Variants in CCSER1 observed in about 807,000 individuals in gnomAD.
CCSER1 encodes serine-rich coiled-coil domain-containing protein 1.
CCSER1 carries 41 observed loss-of-function variants against 82.0 expected under a neutral mutation model. The ratio of observed to expected loss-of-function variants is 0.50; its 90% CI spans 0.39 to 0.65. CCSER1 has a LOEUF of 0.65. Ranked by LOEUF, CCSER1 falls within the 30% of genes least tolerant of loss-of-function variation. The pLI is 0.00. For synonymous variants in CCSER1, 414 were observed against 383.9 expected, an observed-to-expected ratio of 1.08 and a Z score of -0.92; for missense variants, 1,119 against 1,064.2, an observed-to-expected ratio of 1.05 and a Z score of -0.72.
At position 90,969,263 on chromosome 4, in the gene CCSER1, A is replaced by G. The variant is rs537428941; in HGVS notation, c.2172+45816A>G. Among the ~76,000 whole-genome samples the G allele has an allele frequency of 1.1e-4, 16 of 152,168 alleles. No individual in the cohort carries two copies. The East Asian group carries it at 2.9e-3, about 27-fold the overall frequency. On this transcript the variant is annotated intron_variant, in intron 9 of 10. Coordinates refer to ENST00000509176, the MANE Select transcript of CCSER1 (RefSeq NM_001145065.2). ...AGATATAATAACTGAAAATGTGCCA[A>G]ATCTTGAGAGGGATATGAACATCCA...
chr4:90,472,307 C>A lies in CCSER1; in HGVS notation c.1724+3953C>A, dbSNP rs1236469874. 3.3e-5 allele frequency among the ~76,000 whole-genome samples: 5 copies of A among 151,984 alleles called. No individual in the cohort carries two copies. The East Asian group carries it at 9.6e-4, about 29-fold the overall frequency. On this transcript the variant is annotated intron_variant, in intron 5 of 10. Coordinates refer to ENST00000509176, the MANE Select transcript of CCSER1 (RefSeq NM_001145065.2). Reference sequence around the variant, plus strand: ...TTACATCACTTTAGAAGGTAAGAAACATTTTATGACTGAGATATTTGTATT... The same window carrying A: ...TTACATCACTTTAGAAGGTAAGAAAAATTTTATGACTGAGATATTTGTATT...
intron 1 of CCSER1, among the ~76,000 whole-genome samples, chr4:90,169,442 T>G (rs1731213556): frequency 6.6e-6 from 1 of 152,148 alleles, no homozygotes; most frequent in African/African-American, 2.4e-5. Flanking sequence ...TTTGACTTCC[T>G]CTTTTCCTAA....
At chr4:90,177,242 G>GA (rs1275954937) in intron 1 of CCSER1, among the ~76,000 whole-genome samples, 2 of 152,000 alleles carry the variant, frequency 1.3e-5, no homozygotes. Context: ...GGCAAGACAG[G>GA]AAAAAATAGT....
At chr4:91,164,838 T>G (rs1017111230) in intron 10 of CCSER1, among the ~76,000 whole-genome samples, 2 of 152,202 alleles carry the variant, frequency 1.3e-5, no homozygotes, top group Non-Finnish European at 2.9e-5. Flanking sequence ...CGTCTAATTA[T>G]TTTCAATGTT....
Position 91,037,805 on chromosome 4 carries a change from C to G in CCSER1, c.2173-48145C>G, listed in dbSNP as rs549318744. Among the ~76,000 whole-genome samples the G allele has an allele frequency of 4.8e-5, 7 of 146,690 alleles. 1 individual carries two copies. The South Asian group carries it at 1.5e-3, about 31-fold the overall frequency. Reference sequence around the variant, plus strand: ...TAATTATAATTTATTTAATAAATAACTACAGAATATCTATATTTAGTAGGA... The same window carrying G: ...TAATTATAATTTATTTAATAAATAAGTACAGAATATCTATATTTAGTAGGA... On this transcript the variant is annotated intron_variant, in intron 9 of 10. Coordinates refer to ENST00000509176, the MANE Select transcript of CCSER1 (RefSeq NM_001145065.2).
chr4:90,207,932 C>T (rs531485985), intron 1 of CCSER1, among the ~76,000 whole-genome samples: 7 of 152,258 alleles, frequency 4.6e-5, no homozygotes, highest in African/African-American at 7.2e-5. Context: ...AGGTGTGTGT[C>T]GACCCCTGCT....
intron 10 of CCSER1, among the ~76,000 whole-genome samples, chr4:91,503,739 T>C (rs1046249643): frequency 1.3e-5 from 2 of 152,214 alleles, no homozygotes; most frequent in Admixed American, 6.5e-5. Context: ...TAATAAAGTT[T>C]ACAATTTAGA....
intron 5 of CCSER1, among the ~76,000 whole-genome samples, chr4:90,480,394 T>A (rs1190583148): frequency 2.0e-5 from 3 of 152,214 alleles, no homozygotes; most frequent in African/African-American, 7.2e-5. Context: ...AGATCCCATT[T>A]GTCACTTTTG....
At chr4:91,007,099 T>C (rs949344753) in intron 9 of CCSER1, among the ~76,000 whole-genome samples, 1 of 152,196 alleles carries the variant, frequency 6.6e-6, no homozygotes, top group African/African-American at 2.4e-5. Flanking sequence ...TGTAGAACCA[T>C]TATTGTATCC....
At chr4:90,859,651 G>A (rs1764847010) in intron 8 of CCSER1, among the ~76,000 whole-genome samples, 1 of 151,632 alleles carries the variant, frequency 6.6e-6, no homozygotes, top group African/African-American at 2.4e-5. Flanking sequence ...TCAGATCATT[G>A]TTTTTCTTTA....
At chr4:90,376,123 T>C (rs13101432) in intron 3 of CCSER1, among the ~76,000 whole-genome samples, 1 of 152,206 alleles carries the variant, frequency 6.6e-6, no homozygotes, top group Non-Finnish European at 1.5e-5. Flanking sequence ...TTCAAGTGTT[T>C]AAGGAAAACA....
chr4:90,691,198 T>G (rs1464956466), intron 6 of CCSER1, among the ~76,000 whole-genome samples: 1 of 152,014 alleles, frequency 6.6e-6, no homozygotes, highest in African/African-American at 2.4e-5. Context: ...TCTTTTAATT[T>G]TACTATTAAA....
At chr4:90,428,312 A>G (rs1489923264) in intron 4 of CCSER1, among the ~76,000 whole-genome samples, 1 of 151,868 alleles carries the variant, frequency 6.6e-6, no homozygotes, top group Non-Finnish European at 1.5e-5. Flanking sequence ...TTAATAAGTA[A>G]CAGAATTCTG....
intron 9 of CCSER1, among the ~76,000 whole-genome samples, chr4:91,019,094 TATA>T (rs1274059030): frequency 1.3e-5 from 2 of 152,104 alleles, no homozygotes; most frequent in African/African-American, 4.8e-5. Context: ...TGAATTCAAA[TATA>T]ATAAGATAAT....
intron 8 of CCSER1, among the ~76,000 whole-genome samples, chr4:90,823,959 T>C (rs1172922435): frequency 6.6e-6 from 1 of 152,038 alleles, no homozygotes; most frequent in Non-Finnish European, 1.5e-5. Context: ...ATTTCTTTTC[T>C]GGCCATTATT....
chr4:90,776,243 C>A (rs1256970934), intron 7 of CCSER1, among the ~76,000 whole-genome samples: 2 of 152,066 alleles, frequency 1.3e-5, no homozygotes, highest in East Asian at 1.9e-4. Flanking sequence ...AATACACTGG[C>A]AAATCTTACT....
intron 4 of CCSER1, among the ~76,000 whole-genome samples, chr4:90,449,715 T>C (rs1358809019): frequency 1.3e-5 from 2 of 152,230 alleles, no homozygotes; most frequent in African/African-American, 4.8e-5. Context: ...GCAACAACTT[T>C]GCTCCGAAAT....
intron 8 of CCSER1, among the ~76,000 whole-genome samples, chr4:90,850,081 A>C (rs1367768373): frequency 6.6e-6 from 1 of 152,034 alleles, no homozygotes; most frequent in Non-Finnish European, 1.5e-5. Context: ...GGGCCAAGGT[A>C]CTCCTCAGAC....
At chr4:91,402,302 T>A (rs1179238572) in intron 10 of CCSER1, among the ~76,000 whole-genome samples, 1 of 152,210 alleles carries the variant, frequency 6.6e-6, no homozygotes, top group African/African-American at 2.4e-5. Context: ...TAGCCTTTTG[T>A]CAGATGGGTA....
Sources: allele counts gnomAD v4.1 joint callset (sites outside exome capture counted in the v4.1 genomes callset), GRCh38; gene constraint gnomAD v4.1.1; transcripts MANE v1.5; gene names NCBI Gene and HGNC (gene_info 2026-07-23, HGNC 2026-07-21).